PCMTD2: variants seen among roughly 807,000 people sequenced by gnomAD.
The protein encoded by PCMTD2 is protein-L-isoaspartate O-methyltransferase domain-containing protein 2.
In PCMTD2, 16 loss-of-function variants were observed where a neutral mutation model predicts 33.4. The observed-to-expected ratio is 0.48, with a 90% CI of 0.32 to 0.73. The LOEUF is 0.73. PCMTD2 is among the 30% of genes least tolerant of loss of function. The pLI is 0.03. For missense variants in PCMTD2, 374 were observed against 449.9 expected (o/e 0.83, Z 1.53); for synonymous variants, 161 against 160.8 (o/e 1.00, Z -0.01).
Position 64,276,098 on chromosome 20 carries a change from C to G in PCMTD2, c.*2498C>G, listed in dbSNP as rs1414941588. 6.6e-6 allele frequency: 1 copy of G among 152,070 alleles called. No individual in the cohort carries two copies. The highest frequency in any genetic ancestry group is 2.4e-5 in the African/African-American group (1 of 41,404). The allele number at this position is 152,070 out of a possible 1,614,324, so 9.4% of individuals were successfully genotyped here. A position where few individuals can be genotyped will look rare whatever the true frequency, so the allele number is the denominator to read the frequency against. On this transcript the variant is annotated 3_prime_UTR_variant, in exon 6 of 6. Transcript: ENST00000308824. ...TCTTTTCAAAATCTTAAGAAAAGAA[C>G]CTTTTTTCTTTATTAACATCATGTG...
chr20:64,269,934 C>T (rs1465849382), intron 5 of PCMTD2, among the ~76,000 whole-genome samples: 2 of 126,340 alleles, frequency 1.6e-5, no homozygotes, highest in South Asian at 2.7e-4. Context: ...TGGTCCTGCA[C>T]GGTGTGGGGT....
At chr20:64,265,541 AAC>A in intron 4 of PCMTD2, 112 bp downstream of exon 4, 1 of 885,956 alleles carries the variant, frequency 1.1e-6, no homozygotes, top group South Asian at 2.0e-5. Context: ...CAAATGAGGA[AAC>A]AGAGGCAGGG....
At chr20:64,264,356 T>C (rs898969337) in intron 2 of PCMTD2, 73 bp from the exon 3 acceptor site, 21 of 766,668 alleles carry the variant, frequency 2.7e-5, no homozygotes, top group Admixed American at 1.9e-4. Flanking sequence ...CGTGTTACAG[T>C]TGGTAGAAGT....
chr20:64,266,372 C>G (rs1265615958), intron 4 of PCMTD2, among the ~76,000 whole-genome samples: 1 of 152,168 alleles, frequency 6.6e-6, no homozygotes, highest in Non-Finnish European at 1.5e-5. Context: ...ATTCTTCTGC[C>G]TCAGCCTCCT....
Position 64,272,381 on chromosome 20 carries a change from G to A in PCMTD2, c.707-840G>A, listed in dbSNP as rs1445113148. Among the ~76,000 whole-genome samples the A allele has an allele frequency of 2.0e-5, 3 of 152,314 alleles. No individual in the cohort carries two copies. The East Asian group carries it at 5.8e-4, about 29-fold the overall frequency. On this transcript the variant is annotated intron_variant, in intron 5 of 5. Transcript: ENST00000308824. ...AAATGTTGCCTGCATGAAATCGTGA[G>A]CTTTAATTGTCAAATGTTCTTTCTC...
intron 2 of PCMTD2, among the ~76,000 whole-genome samples, chr20:64,263,691 CA>C (rs1361453591): frequency 6.6e-6 from 1 of 152,182 alleles, no homozygotes; most frequent in African/African-American, 2.4e-5. Context: ...ATCAGCACCC[CA>C]AAAGGCTCCC....
chr20:64,269,580 G>A (rs1000693029), intron 5 of PCMTD2, among the ~76,000 whole-genome samples: 3 of 152,230 alleles, frequency 2.0e-5, no homozygotes, highest in Non-Finnish European at 2.9e-5. Context: ...TGTTGGTAAA[G>A]ACAGTGGAGT....
Position 64,273,293 on chromosome 20 carries a change from A to T in PCMTD2, c.779A>T (p.His260Leu). Residue 260 changes from histidine (H) to leucine (L), a missense_variant, in exon 6 of 6, where the codon CAT becomes CTT. By Grantham distance (99) the His-to-Leu change is moderately conservative. Coordinates refer to ENST00000308824, the MANE Select transcript of PCMTD2 (RefSeq NM_018257.3). ...AIRGTIKKIIHQETVSKNGNG... is the reference protein window; with the variant it reads ...AIRGTIKKIILQETVSKNGNG... Reference sequence around the variant, plus strand: ...CGGGGCACCATTAAAAAGATTATTCATCAGGAAACTGTGAGCAAAAACGGA... The same window carrying T: ...CGGGGCACCATTAAAAAGATTATTCTTCAGGAAACTGTGAGCAAAAACGGA... The T allele has an allele frequency of 5.0e-6, 8 of 1,614,166 alleles. No homozygotes were observed. Among genetic ancestry groups the T allele is most frequent in the Non-Finnish European group, 6.8e-6 (8 of 1,179,986 alleles).
Position 64,273,392 on chromosome 20 carries a change from T to G in PCMTD2, c.878T>G (p.Leu293Trp). The G allele has an allele frequency of 6.2e-7, 1 of 1,614,090 alleles. No individual in the cohort carries two copies. The highest frequency in any genetic ancestry group is 8.5e-7 in the Non-Finnish European group (1 of 1,179,934). Residue 293 changes from leucine (L) to tryptophan (W), a missense_variant, in exon 6 of 6, where the codon TTG becomes TGG. Leu to Trp is a moderately conservative substitution (Grantham distance 61). Coordinates refer to ENST00000308824, the MANE Select transcript of PCMTD2 (RefSeq NM_018257.3). ...CGTCGAATGGAAACGATTGTCTTTT[T>G]GGACAAAGAAGTCTTTGCCAGTCGG... Reference protein sequence around the residue: ...RRRRMETIVFLDKEVFASRIS... With the variant: ...RRRRMETIVFWDKEVFASRIS...
chr20:64,269,852 C>CGTGGGGG (rs1555820247), intron 5 of PCMTD2, among the ~76,000 whole-genome samples: 1 of 141,936 alleles, frequency 7.0e-6, no homozygotes, highest in Non-Finnish European at 1.5e-5. Context: ...TGGGTGCTGG[C>CGTGGGGG]GTGTGGGGGG....
intron 1 of PCMTD2, 108 bp from the exon 2 acceptor site, chr20:64,259,834 C>G: frequency 1.6e-6 from 1 of 607,862 alleles, no homozygotes; most frequent in Admixed American, 3.1e-5. Context: ...AAAAGATAAT[C>G]TATTATTTTC....
chr20:64,273,944 C>G lies in PCMTD2; in HGVS notation c.*344C>G, dbSNP rs1303630817. ...GACTGTTTGATGACCGTCCCTCATG[C>G]AACATGCACGGTACTCACTAAAAAT... On this transcript the variant is annotated 3_prime_UTR_variant, in exon 6 of 6. Transcript: ENST00000308824. 5.0e-6 allele frequency: 1 copy of G among 199,128 alleles called. No individual in the cohort carries two copies. The highest frequency in any genetic ancestry group is 1.0e-5 in the Non-Finnish European group (1 of 99,190). The allele number at this position is 199,128 out of a possible 1,614,324, so 12.3% of individuals were successfully genotyped here.
intron 5 of PCMTD2, among the ~76,000 whole-genome samples, chr20:64,269,737 G>A (rs115561099): frequency 1.3e-5 from 2 of 150,878 alleles, no homozygotes; most frequent in Admixed American, 6.6e-5. Context: ...GTGCGGACAT[G>A]CGCAATGTGG....
intron 2 of PCMTD2, among the ~76,000 whole-genome samples, chr20:64,261,118 A>C (rs749803849): frequency 5.3e-5 from 8 of 152,220 alleles, no homozygotes; most frequent in African/African-American, 1.7e-4. Context: ...GAGACTGCAC[A>C]TGGAAATATG....
At chr20:64,272,588 G>A (rs557867907) in intron 5 of PCMTD2, among the ~76,000 whole-genome samples, 1 of 152,386 alleles carries the variant, frequency 6.6e-6, no homozygotes, top group Admixed American at 6.5e-5. Flanking sequence ...GGAGGCTGAG[G>A]TGGGCGGATC....
intron 1 of PCMTD2, among the ~76,000 whole-genome samples, chr20:64,257,280 G>C (rs1220881855): frequency 2.0e-5 from 3 of 152,194 alleles, no homozygotes; most frequent in Non-Finnish European, 2.9e-5. Context: ...TGTCAGTTCT[G>C]AGACCTTCCC....
intron 5 of PCMTD2, among the ~76,000 whole-genome samples, chr20:64,268,632 T>C (rs1985756244): frequency 1.3e-5 from 2 of 152,282 alleles, no homozygotes; most frequent in African/African-American, 4.8e-5. Context: ...ATTGATTTTA[T>C]TTAAAATAAA....
chr20:64,261,261 C>G (rs576008924), intron 2 of PCMTD2, among the ~76,000 whole-genome samples: 3 of 152,142 alleles, frequency 2.0e-5, no homozygotes, highest in African/African-American at 7.2e-5. Context: ...AGGAGCTGAT[C>G]TGTAAACAGG....
intron 5 of PCMTD2, among the ~76,000 whole-genome samples, chr20:64,270,011 A>G (rs1985835621): frequency 9.6e-6 from 1 of 104,028 alleles, no homozygotes; most frequent in South Asian, 3.3e-4. Context: ...TGGGGTCGTA[A>G]GTTCAGGCGT....
Sources: gnomAD v4.1 joint callset for allele counts (sites outside exome capture counted in the v4.1 genomes callset) on GRCh38, gnomAD v4.1.1 for gene constraint, MANE v1.5 for transcripts, NCBI Gene and HGNC (gene_info 2026-07-23, HGNC 2026-07-21) for gene names.